Variants in CNTNAP2 observed in about 807,000 individuals in gnomAD.
CNTNAP2 encodes the protein contactin associated protein 2.
In CNTNAP2, 98 loss-of-function variants were observed where a neutral mutation model predicts 155.2. The ratio of observed to expected loss-of-function variants is 0.63; its 90% CI spans 0.54 to 0.75. CNTNAP2 has a LOEUF of 0.75. CNTNAP2 is among the 30% of genes least tolerant of loss of function. The pLI is 0.00. For synonymous variants in CNTNAP2, 651 were observed against 631.2 expected (o/e 1.03, Z -0.47); for missense variants, 1,727 against 1,688.1 (o/e 1.02, Z -0.40).
chr7:147,807,666 T>G (rs1356893887), intron 13 of CNTNAP2, among the ~76,000 whole-genome samples: 1 of 152,170 alleles, frequency 6.6e-6, no homozygotes, highest in Admixed American at 6.5e-5. Flanking sequence ...GTAAAAGTTA[T>G]TGGTCTCTGT....
rs1796604062 is a variant in CNTNAP2, at chr7:147,723,903, C to A, written c.2098+84597C>A. Among the ~76,000 whole-genome samples the A allele has an allele frequency of 2.0e-5, 3 of 151,946 alleles. No individual in the cohort carries two copies. In the South Asian group the frequency reaches 6.2e-4, roughly 31 times the overall value. ...GTGGTAAACACTTTTAGAATCCTCTCTTTTAGGAATTCTTTGTATAGTTTC... is the reference window on the plus strand; with the variant it reads ...GTGGTAAACACTTTTAGAATCCTCTATTTTAGGAATTCTTTGTATAGTTTC... On this transcript the variant is annotated intron_variant, in intron 13 of 23. Coordinates refer to ENST00000361727, the MANE Select transcript of CNTNAP2 (RefSeq NM_014141.6).
intron 1 of CNTNAP2, among the ~76,000 whole-genome samples, chr7:146,132,566 TC>T (rs1797732163): frequency 1.4e-5 from 1 of 69,732 alleles, no homozygotes; most frequent in South Asian, 6.3e-4. Flanking sequence ...CCCTCCCCCC[TC>T]CCCCCACCCC....
chr7:146,183,183 C>T (rs1798573763), intron 1 of CNTNAP2, among the ~76,000 whole-genome samples: 1 of 151,980 alleles, frequency 6.6e-6, no homozygotes, highest in Admixed American at 6.6e-5. Flanking sequence ...CTGTTATTAC[C>T]TCCCACCAGA....
At chr7:148,090,164 A>T (rs1382307845) in intron 15 of CNTNAP2, among the ~76,000 whole-genome samples, 1 of 152,082 alleles carries the variant, frequency 6.6e-6, no homozygotes, top group South Asian at 2.1e-4. Context: ...AGAACAAAAC[A>T]TAGGGAAAAT....
In CNTNAP2 at chr7:146,358,660, A is replaced by T. The variant is rs548525015; in HGVS notation, c.97+241687A>T. On this transcript the variant is annotated intron_variant, in intron 1 of 23. Transcript: ENST00000361727. The stretch of plus-strand genomic sequence containing the variant: ...TAAAGATTGTTGATTAGAATTCATT[A>T]TTCTAGAGAGTGTTAACCAGTTTGA... Among the ~76,000 whole-genome samples, 134 of 152,334 alleles carry T rather than the reference A, an allele frequency of 8.8e-4. 1 individual carries two copies. Among genetic ancestry groups the T allele is most frequent in the African/African-American group, 3.0e-3 (125 of 41,576 alleles).
chr7:147,093,158 G>A (rs1207391331), intron 4 of CNTNAP2, among the ~76,000 whole-genome samples: 3 of 149,554 alleles, frequency 2.0e-5, no homozygotes, highest in Non-Finnish European at 1.5e-5. Context: ...GGAGAATGGC[G>A]TGAACTCGGG....
chr7:146,759,681 C>CAAAAAAAAAAAAAA (rs376817827), intron 1 of CNTNAP2, among the ~76,000 whole-genome samples: 6 of 54,600 alleles, frequency 1.1e-4, no homozygotes, highest in African/African-American at 2.5e-4. Flanking sequence ...GTGAGACTGT[C>CAAAAAAAAAAAAAA]AAAAAAAAAA....
At chr7:147,109,482 G>A (rs1263449535) in intron 5 of CNTNAP2, among the ~76,000 whole-genome samples, 1 of 152,198 alleles carries the variant, frequency 6.6e-6, no homozygotes, top group Middle Eastern at 3.4e-3. Context: ...TAGAACTTTC[G>A]ATTATGGAAG....
intron 13 of CNTNAP2, among the ~76,000 whole-genome samples, chr7:147,781,524 T>C (rs1351898487): frequency 3.9e-5 from 6 of 152,206 alleles, no homozygotes; most frequent in African/African-American, 1.4e-4. Flanking sequence ...TATTAATCTA[T>C]GCAATCTTCA....
intron 1 of CNTNAP2, among the ~76,000 whole-genome samples, chr7:146,405,285 C>T (rs532555173): frequency 1.3e-5 from 2 of 152,244 alleles, no homozygotes; most frequent in South Asian, 2.1e-4. Context: ...GTCTCTCTCA[C>T]TGGCAAGGAT....
intron 3 of CNTNAP2, among the ~76,000 whole-genome samples, chr7:147,004,065 G>A (rs186620372): frequency 6.6e-6 from 1 of 151,846 alleles, no homozygotes; most frequent in South Asian, 2.1e-4. Context: ...GTTTTTGCTT[G>A]TTAATTAGGT....
At position 146,344,378 on chromosome 7, in the gene CNTNAP2, T is replaced by G. The variant is rs187358635; in HGVS notation, c.97+227405T>G. Among the ~76,000 whole-genome samples the G allele has an allele frequency of 5.9e-3, 896 of 152,322 alleles. 11 individuals carry two copies. Among genetic ancestry groups the G allele is most frequent in the Middle Eastern group, 6.8e-3 (2 of 294 alleles). ...TGTAAAAAACATAGTTGAAATACAA[T>G]TACTTTCTCATATGTATCTTAAAAT... On this transcript the variant is annotated intron_variant, in intron 1 of 23. Coordinates refer to ENST00000361727, the MANE Select transcript of CNTNAP2 (RefSeq NM_014141.6).
chr7:147,329,143 C>T (rs1051629855), intron 9 of CNTNAP2, among the ~76,000 whole-genome samples: 15 of 151,674 alleles, frequency 9.9e-5, no homozygotes, highest in African/African-American at 3.6e-4. Context: ...TGAGCACCCC[C>T]CCACACACAC....
chr7:148,290,296 C>T (rs1797166948), intron 21 of CNTNAP2, among the ~76,000 whole-genome samples: 1 of 152,150 alleles, frequency 6.6e-6, no homozygotes. Context: ...TAACAGTTTT[C>T]ACCTTCACTT....
chr7:146,474,086 T>G (rs1453032461), intron 1 of CNTNAP2, among the ~76,000 whole-genome samples: 1 of 152,108 alleles, frequency 6.6e-6, no homozygotes, highest in Non-Finnish European at 1.5e-5. Flanking sequence ...CTCTCCATGA[T>G]TGGGATAAAG....
chr7:146,194,694 A>G (rs898458387), intron 1 of CNTNAP2, among the ~76,000 whole-genome samples: 2 of 152,218 alleles, frequency 1.3e-5, no homozygotes, highest in South Asian at 2.1e-4. Context: ...AGCTTTATTT[A>G]TGTGGAAATA....
chr7:146,321,579 G>A (rs965289332), intron 1 of CNTNAP2, among the ~76,000 whole-genome samples: 1 of 152,218 alleles, frequency 6.6e-6, no homozygotes, highest in Non-Finnish European at 1.5e-5. Flanking sequence ...GCAAATAACA[G>A]TGGCTGCAGC....
chr7:147,607,363 C>T (rs2116870866), intron 12 of CNTNAP2, among the ~76,000 whole-genome samples: 1 of 152,058 alleles, frequency 6.6e-6, no homozygotes, highest in East Asian at 1.9e-4. Flanking sequence ...TTGTGAGGCC[C>T]AACATTTCCT....
rs1248036755 is a variant in CNTNAP2 at position 147,044,074 on chromosome 7, A to C, written c.550+20A>C. 1.2e-6 allele frequency: 2 copies of C among 1,613,860 alleles called. No individual in the cohort carries two copies. Among genetic ancestry groups the C allele is most frequent in the South Asian group, 1.1e-5 (1 of 91,064 alleles). Reference sequence around the variant, plus strand: ...CTTACTGTGAGTATCGTATTGTTTAAATTTGTGGCAGGTTTTATCTTTATT... The same window carrying C: ...CTTACTGTGAGTATCGTATTGTTTACATTTGTGGCAGGTTTTATCTTTATT... On this transcript the variant is annotated intron_variant, in intron 4 of 23. Coordinates refer to ENST00000361727, the MANE Select transcript of CNTNAP2 (RefSeq NM_014141.6).
Sources: gnomAD v4.1 joint callset for allele counts (sites outside exome capture counted in the v4.1 genomes callset) on GRCh38, gnomAD v4.1.1 for gene constraint, MANE v1.5 for transcripts, NCBI Gene and HGNC (gene_info 2026-07-23, HGNC 2026-07-21) for gene names.